The following ATP6V1C1 variants were observed in gnomAD, a reference collection of about 807,000 sequenced individuals.
The protein encoded by ATP6V1C1 is V-type proton ATPase subunit C 1.
ATP6V1C1 carries 45 observed loss-of-function variants against 53.9 expected under a neutral mutation model. That is an observed-to-expected ratio of 0.83 (90% CI 0.66 to 1.07). The LOEUF (loss-of-function observed/expected upper bound fraction) is 1.07, where lower values mean the gene tolerates loss of function less well. ATP6V1C1 is among the 50% of genes least tolerant of loss of function. The pLI is 0.00. For missense variants in ATP6V1C1, 315 were observed against 440.3 expected (o/e 0.72, Z 2.55); for synonymous variants, 153 against 155.2 (o/e 0.99, Z 0.11).
chr8:103,071,029 T>C lies in ATP6V1C1; in HGVS notation c.*2282T>C, dbSNP rs1817578359. 1.3e-5 allele frequency: 2 copies of C among 152,244 alleles called. No homozygotes were observed. The highest frequency in any genetic ancestry group is 6.5e-5 in the Admixed American group (1 of 15,282). 9.4% of individuals were successfully genotyped at this position (152,244 alleles called of 1,614,324 possible). A position where few individuals can be genotyped will look rare whatever the true frequency, so the allele number is the denominator to read the frequency against. ...GAACACAGGTAGTTCCTTTTCACTGTGTTTAATTTGGGAAAATCCAGATCC... is the reference window on the plus strand; with the variant it reads ...GAACACAGGTAGTTCCTTTTCACTGCGTTTAATTTGGGAAAATCCAGATCC... On this transcript the variant is annotated 3_prime_UTR_variant, in exon 13 of 13. Transcript: ENST00000518738.
chr8:103,048,109 T>G (rs2131393705), intron 3 of ATP6V1C1, among the ~76,000 whole-genome samples: 1 of 152,354 alleles, frequency 6.6e-6, no homozygotes, highest in Middle Eastern at 3.4e-3. Flanking sequence ...ATGTTTCTAG[T>G]CACAGCTCTG....
At chr8:103,054,041 C>A in intron 7 of ATP6V1C1, 59 bp downstream of exon 7, 1 of 1,356,290 alleles carries the variant, frequency 7.4e-7, no homozygotes. Flanking sequence ...ATGTTAGTAT[C>A]TAGTATTGTA....
At chr8:103,042,944 A>G (rs947102602) in intron 3 of ATP6V1C1, among the ~76,000 whole-genome samples, 2 of 152,122 alleles carry the variant, frequency 1.3e-5, no homozygotes, top group African/African-American at 4.8e-5. Context: ...TCTTTTTATT[A>G]CTAATATTCC....
In ATP6V1C1 at chr8:103,030,768, G is replaced by T. The variant is rs57429343; in HGVS notation, c.-40+9543G>T. On this transcript the variant is annotated intron_variant, in intron 1 of 12. Transcript: ENST00000518738. ...AGAGAAATAAACACCAGAAACTTAT[G>T]GGGGGGGTCTCTGCAGGAGATCTAA... Among the ~76,000 whole-genome samples, 6 of 120,654 alleles carry T rather than the reference G, an allele frequency of 5.0e-5. No homozygotes were observed. The East Asian group carries it at 1.1e-3, about 22-fold the overall frequency. The allele number at this position is 120,654 out of a possible 152,430, so 79.2% of individuals were successfully genotyped here. A position where few individuals can be genotyped will look rare whatever the true frequency, so the allele number is the denominator to read the frequency against.
chr8:103,061,667 T>C (rs1817400479), intron 8 of ATP6V1C1, among the ~76,000 whole-genome samples: 1 of 152,204 alleles, frequency 6.6e-6, no homozygotes, highest in Non-Finnish European at 1.5e-5. Flanking sequence ...CACTTCAGAT[T>C]ATAGACATTA....
chr8:103,056,571 A>C (rs1167354029), intron 8 of ATP6V1C1, among the ~76,000 whole-genome samples: 1 of 152,198 alleles, frequency 6.6e-6, no homozygotes, highest in Non-Finnish European at 1.5e-5. Flanking sequence ...TAAAATGCTT[A>C]AATAGTTGCC....
rs577009775 is a variant in ATP6V1C1 at position 103,022,537 on chromosome 8, C to G, written c.-40+1312C>G. ...GGATGGATTTTAAAAATCAAGCAAG[C>G]GTGAAATGTGCTTTGAAGGAATAAC... On this transcript the variant is annotated intron_variant, in intron 1 of 12. Coordinates refer to ENST00000518738, the MANE Select transcript of ATP6V1C1 (RefSeq NM_001695.5). Among the ~76,000 whole-genome samples the G allele has an allele frequency of 5.3e-5, 8 of 151,886 alleles. No individual in the cohort carries two copies. The East Asian group carries it at 1.5e-3, about 29-fold the overall frequency.
At chr8:103,045,753 A>G (rs1389826316) in intron 3 of ATP6V1C1, among the ~76,000 whole-genome samples, 2 of 152,114 alleles carry the variant, frequency 1.3e-5, no homozygotes, top group African/African-American at 4.8e-5. Flanking sequence ...CATCCTGGCT[A>G]ACACGATGAA....
intron 7 of ATP6V1C1, among the ~76,000 whole-genome samples, chr8:103,055,553 A>G (rs1168654846): frequency 6.6e-6 from 1 of 152,164 alleles, no homozygotes; most frequent in Non-Finnish European, 1.5e-5. Context: ...ATGAGGCACA[A>G]TACATATGAA....
At chr8:103,062,659 G>A (rs980645056) in intron 8 of ATP6V1C1, among the ~76,000 whole-genome samples, 3 of 152,188 alleles carry the variant, frequency 2.0e-5, no homozygotes, top group South Asian at 2.1e-4. Context: ...GCAGCTTGGC[G>A]CTGATGTTGA....
intron 4 of ATP6V1C1, 66 bp downstream of exon 4, chr8:103,049,021 A>G: frequency 6.9e-7 from 1 of 1,442,942 alleles, no homozygotes; most frequent in Non-Finnish European, 9.6e-7. Context: ...CTACAGAAAC[A>G]AAAAGTAATG....
intron 1 of ATP6V1C1, among the ~76,000 whole-genome samples, chr8:103,030,029 C>G (rs1816768877): frequency 6.6e-6 from 1 of 152,210 alleles, no homozygotes; most frequent in African/African-American, 2.4e-5. Flanking sequence ...GCCACTTCAC[C>G]TAGCCTATTA....
chr8:103,047,464 A>ATT (rs1554600317), intron 3 of ATP6V1C1, among the ~76,000 whole-genome samples: 11 of 125,604 alleles, frequency 8.8e-5, no homozygotes, highest in Non-Finnish European at 1.3e-4. Flanking sequence ...ACACACACAC[A>ATT]TTTTTTTTTT....
intron 6 of ATP6V1C1, 87 bp from the exon 7 acceptor site, chr8:103,053,797 T>C (rs1202110203): frequency 7.6e-6 from 7 of 915,280 alleles, no homozygotes; most frequent in Admixed American, 1.9e-5. Context: ...ATATATAGTA[T>C]ATGTGAAAAT....
At chr8:103,050,042 A>C (rs1817173844) in intron 4 of ATP6V1C1, among the ~76,000 whole-genome samples, 1 of 152,138 alleles carries the variant, frequency 6.6e-6, no homozygotes, top group African/African-American at 2.4e-5. Flanking sequence ...AGGTTACTAT[A>C]TTTTAAATCC....
At chr8:103,059,992 G>A (rs1276161328) in intron 8 of ATP6V1C1, among the ~76,000 whole-genome samples, 2 of 139,914 alleles carry the variant, frequency 1.4e-5, no homozygotes, top group Non-Finnish European at 3.1e-5. Context: ...TTTTTTTTGA[G>A]ACACAGTCTC....
intron 10 of ATP6V1C1, 54 bp from the exon 11 acceptor site, chr8:103,064,660 A>G (rs746891502): frequency 6.9e-6 from 10 of 1,455,838 alleles, no homozygotes; most frequent in Non-Finnish European, 9.5e-6. Flanking sequence ...TATTTGGTCT[A>G]TCTAATTGCT....
intron 1 of ATP6V1C1, among the ~76,000 whole-genome samples, chr8:103,024,868 C>T (rs1816667279): frequency 6.6e-6 from 1 of 152,022 alleles, no homozygotes; most frequent in African/African-American, 2.4e-5. Flanking sequence ...ATACCATGTG[C>T]AAATGTACTA....
At chr8:103,064,305 GT>G (rs1329132252) in intron 10 of ATP6V1C1, among the ~76,000 whole-genome samples, 1 of 152,068 alleles carries the variant, frequency 6.6e-6, no homozygotes, top group African/African-American at 2.4e-5. Flanking sequence ...GTTTATCTTT[GT>G]TACTAAGAAG....
Sources: gnomAD v4.1 joint callset for allele counts (sites outside exome capture counted in the v4.1 genomes callset) on GRCh38, gnomAD v4.1.1 for gene constraint, MANE v1.5 for transcripts, NCBI Gene and HGNC (gene_info 2026-07-23, HGNC 2026-07-21) for gene names.